TLK2: variants seen among roughly 807,000 people sequenced by gnomAD.
TLK2 encodes tousled like kinase 2.
A neutral mutation model predicts 117.3 loss-of-function variants in TLK2; 6 were observed. That is an observed-to-expected ratio of 0.05 (90% confidence interval 0.03 to 0.10). The LOEUF (loss-of-function observed/expected upper bound fraction) is 0.10, where lower values mean the gene tolerates loss of function less well. TLK2 is among the 10% of genes least tolerant of loss of function. The probability of loss-of-function intolerance (pLI) is 1.00; values close to 1 mark genes in which losing one functional copy is unlikely to be tolerated. For missense variants in TLK2, 299 were observed against 901.2 expected (o/e 0.33, Z 8.56); for synonymous variants, 257 against 316.7 (o/e 0.81, Z 2.00).
chr17:62,515,294 T>C (rs1391930145), intron 2 of TLK2, among the ~76,000 whole-genome samples: 1 of 152,234 alleles, frequency 6.6e-6, no homozygotes, highest in Non-Finnish European at 1.5e-5. Context: ...TGAACATGGT[T>C]GCACAGCTAT....
At position 62,520,291 on chromosome 17, in the gene TLK2, C is replaced by T. The variant is rs1414540023; in HGVS notation, c.82-482C>T. On this transcript the variant is annotated intron_variant, in intron 2 of 21. Coordinates refer to ENST00000346027, the MANE Select transcript of TLK2 (RefSeq NM_006852.6). ...GGGATTGAGCAGAAGAAGGGAGCCC[C>T]TGCCTCTGAGAGTACTTGCCTGAGA... Among the ~76,000 whole-genome samples the T allele has an allele frequency of 8.5e-5, 13 of 152,164 alleles. 1 individual carries two copies. The highest frequency in any genetic ancestry group is 7.9e-4 in the Admixed American group (12 of 15,282).
chr17:62,593,467 G>A (rs771425789), intron 16 of TLK2, among the ~76,000 whole-genome samples: 1 of 151,836 alleles, frequency 6.6e-6, no homozygotes, highest in Non-Finnish European at 1.5e-5. Context: ...ACATTGTACG[G>A]TTGTATGAAA....
At chr17:62,478,517 C>T (rs1401089657), upstream of TLK2, among the ~76,000 whole-genome samples, 1 of 149,830 alleles carries the variant, frequency 6.7e-6, no homozygotes, top group African/African-American at 2.4e-5. Flanking sequence ...CGCCCCGGGC[C>T]GCCGGACCTC....
intron 1 of TLK2, among the ~76,000 whole-genome samples, chr17:62,472,564 C>T (rs1598050807): frequency 6.6e-6 from 1 of 151,996 alleles, no homozygotes; most frequent in Non-Finnish European, 1.5e-5. Flanking sequence ...CGGTGAAACC[C>T]CGTCTCTACT....
At chr17:62,535,730 C>G (rs2077064461) in intron 6 of TLK2, among the ~76,000 whole-genome samples, 1 of 151,512 alleles carries the variant, frequency 6.6e-6, no homozygotes, top group Non-Finnish European at 1.5e-5. Flanking sequence ...AGCAGAGACT[C>G]TCCATTGCAC....
At chr17:62,487,518 CA>C (rs545506997) in intron 2 of TLK2, among the ~76,000 whole-genome samples, 5,781 of 56,222 alleles carry the variant, frequency 0.1, 118 homozygotes, top group Middle Eastern at 0.21. Flanking sequence ...GCCTCCGTCT[CA>C]AAAAAAAAAA....
intron 6 of TLK2, among the ~76,000 whole-genome samples, chr17:62,534,505 TTC>T (rs1303771673): frequency 6.6e-6 from 1 of 152,234 alleles, no homozygotes; most frequent in African/African-American, 2.4e-5. Flanking sequence ...CTGCTTTTCC[TTC>T]TGTTACATGC....
At chr17:62,546,163 T>C (rs1598486496) in intron 7 of TLK2, among the ~76,000 whole-genome samples, 1 of 152,104 alleles carries the variant, frequency 6.6e-6, no homozygotes, top group South Asian at 2.1e-4. Context: ...ATTACAGTCA[T>C]GAGCCACCAC....
At chr17:62,560,820 A>G (rs1335103053) in intron 10 of TLK2, among the ~76,000 whole-genome samples, 4 of 151,778 alleles carry the variant, frequency 2.6e-5, no homozygotes, top group Admixed American at 2.0e-4. Context: ...TGCCCGGCCA[A>G]TTTTTGTATT....
At chr17:62,527,189 C>G (rs1301024907) in intron 6 of TLK2, among the ~76,000 whole-genome samples, 1 of 152,176 alleles carries the variant, frequency 6.6e-6, no homozygotes, top group African/African-American at 2.4e-5. Context: ...CAAAAATGAC[C>G]TTAGCTAAGC....
At chr17:62,537,186 C>T (rs1305481525) in intron 7 of TLK2, among the ~76,000 whole-genome samples, 2 of 152,118 alleles carry the variant, frequency 1.3e-5, no homozygotes, top group African/African-American at 4.8e-5. Flanking sequence ...CCTGTGGTGT[C>T]TATAAGTCTC....
At chr17:62,471,370 G>A (rs1567744604) in intron 1 of TLK2, among the ~76,000 whole-genome samples, 1 of 152,208 alleles carries the variant, frequency 6.6e-6, no homozygotes, top group East Asian at 1.9e-4. Context: ...AATGAGTGAA[G>A]TGACTTCCTG....
In TLK2 at chr17:62,578,470, G is replaced by C. The variant is rs762611483; in HGVS notation, c.1189-7G>C. Reference sequence around the variant, plus strand: ...ATTTTGTGCTATTTCTTTCCTTTTCGCTTTAGGAGGAAGCAGAGATCCAGG... The same window carrying C: ...ATTTTGTGCTATTTCTTTCCTTTTCCCTTTAGGAGGAAGCAGAGATCCAGG... On this transcript the variant is annotated splice_region_variant and splice_polypyrimidine_tract_variant and intron_variant, in intron 13 of 21. Coordinates refer to ENST00000346027, the MANE Select transcript of TLK2 (RefSeq NM_006852.6). The C allele has an allele frequency of 1.2e-6, 2 of 1,612,706 alleles. No homozygotes were observed. The highest frequency in any genetic ancestry group is 1.7e-6 in the Non-Finnish European group (2 of 1,179,224).
At chr17:62,473,549 T>C (rs2070981437) in intron 1 of TLK2, among the ~76,000 whole-genome samples, 1 of 152,200 alleles carries the variant, frequency 6.6e-6, no homozygotes, top group Admixed American at 6.5e-5. Flanking sequence ...ACCTGGAAAG[T>C]TGTTAGACAT....
intron 7 of TLK2, among the ~76,000 whole-genome samples, chr17:62,542,077 G>T (rs1018759171): frequency 6.6e-6 from 1 of 152,168 alleles, no homozygotes; most frequent in Non-Finnish European, 1.5e-5. Flanking sequence ...TCTTCTATTG[G>T]TGAGAATGTT....
Position 62,499,256 on chromosome 17 carries a change from G to A in TLK2, c.81+18050G>A, listed in dbSNP as rs1485981039. Among the ~76,000 whole-genome samples the A allele has an allele frequency of 2.0e-5, 3 of 151,786 alleles. No homozygotes were observed. In the South Asian group the frequency reaches 6.3e-4, roughly 32 times the overall value. On this transcript the variant is annotated intron_variant, in intron 2 of 21. Coordinates refer to ENST00000346027, the MANE Select transcript of TLK2 (RefSeq NM_006852.6). The stretch of plus-strand genomic sequence containing the variant: ...CTCGGGAGGCTGAGACAGGAGAATC[G>A]CTTGAACCCAGGAGGTGCAGTGAGC...
At chr17:62,609,877 A>G (rs1183914920) in intron 21 of TLK2, among the ~76,000 whole-genome samples, 5 of 152,212 alleles carry the variant, frequency 3.3e-5, no homozygotes, top group Admixed American at 2.0e-4. Context: ...GATCATACCT[A>G]TGAATAGCCA....
chr17:62,565,241 TTTTCAG>T, intron 11 of TLK2, 104 bp downstream of exon 11: 1 of 1,429,092 alleles, frequency 7.0e-7, no homozygotes, highest in Non-Finnish European at 9.4e-7. Flanking sequence ...GGTAGTCATC[TTTTCAG>T]TTAGTTTTTT....
intron 6 of TLK2, among the ~76,000 whole-genome samples, chr17:62,526,905 A>G (rs1373508558): frequency 6.6e-6 from 1 of 152,192 alleles, no homozygotes; most frequent in Non-Finnish European, 1.5e-5. Context: ...AATTGTTAAA[A>G]TGTTCAGACA....
Sources: allele counts gnomAD v4.1 joint callset (sites outside exome capture counted in the v4.1 genomes callset), GRCh38; gene constraint gnomAD v4.1.1; transcripts MANE v1.5; gene names NCBI Gene and HGNC (gene_info 2026-07-23, HGNC 2026-07-21).